Variants in DSE observed in about 807,000 individuals in gnomAD.
DSE encodes the protein dermatan-sulfate epimerase.
A neutral mutation model predicts 84.4 loss-of-function variants in DSE; 36 were observed. The ratio of observed to expected loss-of-function variants is 0.43; its 90% CI spans 0.33 to 0.56. The LOEUF (loss-of-function observed/expected upper bound fraction) is 0.56, where lower values mean the gene tolerates loss of function less well. Ranked by LOEUF, DSE falls within the 20% of genes least tolerant of loss-of-function variation. DSE has a pLI of 0.06. For missense variants in DSE, 862 were observed against 1,169.6 expected (o/e 0.74, Z 3.84); for synonymous variants, 410 against 430.1 (o/e 0.95, Z 0.58).
intron 3 of DSE, 113 bp from the exon 4 acceptor site, chr6:116,430,841 C>T (rs566942132): frequency 4.5e-5 from 64 of 1,437,020 alleles, no homozygotes; most frequent in Non-Finnish European, 5.5e-5. Context: ...TTTTACAAAA[C>T]GCGATTTGTA....
chr6:116,277,368 GCA>G (rs1414770051), intron 2 of DSE: 1 of 152,666 alleles, frequency 6.6e-6, no homozygotes, highest in Non-Finnish European at 1.5e-5. Context: ...CTTAACGACA[GCA>G]CAGTCTTCAC....
At chr6:116,345,996 C>T (rs560477113) in intron 2 of DSE, among the ~76,000 whole-genome samples, 11 of 152,246 alleles carry the variant, frequency 7.2e-5, no homozygotes, top group East Asian at 1.9e-4. Flanking sequence ...AACACCTCTA[C>T]GCAAATAAAC....
intron 1 of DSE, among the ~76,000 whole-genome samples, chr6:116,394,552 C>T (rs1781120074): frequency 6.6e-6 from 1 of 152,128 alleles, no homozygotes; most frequent in Non-Finnish European, 1.5e-5. Context: ...CCTCCTGCCT[C>T]AGCCTCCCGA....
chr6:116,258,877 C>T, exon 2 of DSE: 1 of 1,606,358 alleles, frequency 6.2e-7, no homozygotes. Context: ...GTTGTTGCAG[C>T]CGTGCATCAT....
At chr6:116,259,640 T>C (rs1467151420) in intron 2 of DSE, among the ~76,000 whole-genome samples, 1 of 152,198 alleles carries the variant, frequency 6.6e-6, no homozygotes, top group Non-Finnish European at 1.5e-5. Context: ...TTCATTATCT[T>C]CTCCCTCTCC....
chr6:116,276,142 G>T (rs1269764200), intron 2 of DSE, among the ~76,000 whole-genome samples: 1 of 152,212 alleles, frequency 6.6e-6, no homozygotes, highest in Non-Finnish European at 1.5e-5. Flanking sequence ...ATGGGGAACA[G>T]AAAGACTTTG....
intron 2 of DSE, among the ~76,000 whole-genome samples, chr6:116,319,816 ATGT>A (rs1437803338): frequency 1.3e-5 from 2 of 152,094 alleles, no homozygotes; most frequent in Admixed American, 1.3e-4. Context: ...CTCATCCAAC[ATGT>A]TGTTTTCATA....
chr6:116,336,110 C>G (rs1777237098), intron 2 of DSE, among the ~76,000 whole-genome samples: 1 of 152,154 alleles, frequency 6.6e-6, no homozygotes, highest in South Asian at 2.1e-4. Context: ...GATATCAACT[C>G]CTTTGGAATC....
At chr6:116,296,144 G>A (rs1206723334) in intron 2 of DSE, among the ~76,000 whole-genome samples, 1 of 152,112 alleles carries the variant, frequency 6.6e-6, no homozygotes, top group African/African-American at 2.4e-5. Context: ...CATGGATGCT[G>A]AAGTCCTTGA....
chr6:116,399,283 G>A lies in DSE; in HGVS notation c.33G>A (p.Val11=), dbSNP rs1415808640. The change falls in exon 2 of 6, where the codon GTG becomes GTA. Residue 11 remains valine (V), a synonymous_variant. Transcript: ENST00000644252. ...CTCACACACGGGGGGCTCCCAGTGT[G>A]TTTTTCATATATTTGCTTTGCTTTG... MRTHTRGAPS[V]FFIYLLCFVS... The A allele has an allele frequency of 1.3e-5, 21 of 1,613,868 alleles. No individual in the cohort carries two copies. The highest frequency in any genetic ancestry group is 1.6e-5 in the Non-Finnish European group (19 of 1,180,044).
In DSE at chr6:116,266,288, A is replaced by C. The variant is rs73767705; in HGVS notation, c.-54+7321A>C. ...TTGCCGACATTATTGGACAACTGCA[A>C]CCTCTTGACGTTTCAATCAGTAAAC... is the stretch of plus-strand genomic sequence containing the variant. On this transcript the variant is annotated intron_variant, in intron 2 of 3. Coordinates refer to the DSE transcript ENST00000430252. Among the ~76,000 whole-genome samples the C allele has an allele frequency of 2.2e-3, 337 of 152,298 alleles. 2 individuals carry two copies. Among genetic ancestry groups the C allele is most frequent in the African/African-American group, 8.0e-3 (331 of 41,558 alleles).
chr6:116,370,767 G>A, upstream of DSE: 1 of 933,004 alleles, frequency 1.1e-6, no homozygotes, highest in African/African-American at 1.8e-5. Context: ...AAGCGGGGCG[G>A]GCCTGCGGTC....
At chr6:116,434,890 G>A (rs1239144563) in intron 5 of DSE, among the ~76,000 whole-genome samples, 5 of 152,098 alleles carry the variant, frequency 3.3e-5, no homozygotes, top group Non-Finnish European at 7.4e-5. Context: ...ATGAAAATAA[G>A]AAGTCATTTA....
At chr6:116,272,374 A>C (rs1295516245) in intron 2 of DSE, among the ~76,000 whole-genome samples, 4 of 152,256 alleles carry the variant, frequency 2.6e-5, no homozygotes, top group Non-Finnish European at 4.4e-5. Context: ...GATCAACAGA[A>C]GTAAAGCATA....
chr6:116,370,992 C>G lies in DSE; in HGVS notation c.-183C>G. 1 of 985,158 alleles carries G rather than the reference C, an allele frequency of 1.0e-6. No individual in the cohort carries two copies. The highest frequency in any genetic ancestry group is 1.2e-6 in the Non-Finnish European group (1 of 830,004). 61.0% of individuals were successfully genotyped at this position (985,158 alleles called of 1,614,324 possible). A position where few individuals can be genotyped will look rare whatever the true frequency, so the allele number is the denominator to read the frequency against. On this transcript the variant is annotated 5_prime_UTR_variant, in exon 1 of 6. Transcript: ENST00000644252. ...CAGCAGCGCATCCCGGGGCATGGCGCGGCGGGGGCGCGGAGGGCTCGGTTC... is the reference window on the plus strand; with the variant it reads ...CAGCAGCGCATCCCGGGGCATGGCGGGGCGGGGGCGCGGAGGGCTCGGTTC...
chr6:116,390,866 A>G (rs75020943), intron 1 of DSE, among the ~76,000 whole-genome samples: 2,351 of 152,190 alleles, frequency 0.015, 70 homozygotes, highest in African/African-American at 0.052. Context: ...AATAATACAG[A>G]TTTTACTTTT....
intron 2 of DSE, chr6:116,279,606 C>T (rs1354047196): frequency 6.2e-7 from 1 of 1,602,366 alleles, no homozygotes. Context: ...CGCCACGGCC[C>T]GCGGCATCCT....
chr6:116,415,543 TTTC>T (rs1216735334), intron 2 of DSE, among the ~76,000 whole-genome samples: 13 of 141,982 alleles, frequency 9.2e-5, no homozygotes, highest in African/African-American at 3.2e-4. Context: ...TTCTTTTTTC[TTTC>T]TTTTTTTTTT....
chr6:116,311,295 C>T (rs1156324150), intron 2 of DSE, among the ~76,000 whole-genome samples: 2 of 152,070 alleles, frequency 1.3e-5, no homozygotes, highest in African/African-American at 2.4e-5. Flanking sequence ...CCTTTCTCTC[C>T]CACCAGAATA....
Sources: gnomAD v4.1 joint callset for allele counts (sites outside exome capture counted in the v4.1 genomes callset) on GRCh38, gnomAD v4.1.1 for gene constraint, MANE v1.5 for transcripts, NCBI Gene and HGNC (gene_info 2026-07-23, HGNC 2026-07-21) for gene names.